Variants in UBXN8 observed in about 807,000 individuals in gnomAD.
UBXN8 encodes the protein UBX domain-containing protein 8.
UBXN8 carries 27 observed loss-of-function variants against 32.1 expected under a neutral mutation model. The ratio of observed to expected loss-of-function variants is 0.84; its 90% CI spans 0.62 to 1.16. The LOEUF is 1.16. UBXN8 is among the 50% of genes most tolerant of loss of function. The pLI is 0.00. For synonymous variants in UBXN8, 109 were observed against 111.8 expected (o/e 0.98, Z 0.16); for missense variants, 306 against 311.4 (o/e 0.98, Z 0.13).
intron 5 of UBXN8, among the ~76,000 whole-genome samples, chr8:30,758,903 T>TTTTTTTTTTG (rs1563564679): frequency 2.1e-5 from 3 of 143,410 alleles, no homozygotes; most frequent in African/African-American, 7.9e-5. Context: ...TGTTTTTTTT[T>TTTTTTTTTTG]TTTTTTTTGA....
chr8:30,747,749 AT>A (rs34425967), intron 1 of UBXN8, among the ~76,000 whole-genome samples: 8,899 of 136,688 alleles, frequency 0.065, 1,902 homozygotes, highest in African/African-American at 0.19. Flanking sequence ...AGGAGCCGTG[AT>A]TTTTTTTTTA....
At chr8:30,736,672 C>T (rs374524381) in intron 1 of UBXN8, among the ~76,000 whole-genome samples, 2 of 152,084 alleles carry the variant, frequency 1.3e-5, no homozygotes, top group East Asian at 1.9e-4. Flanking sequence ...AGGGTTTTAC[C>T]GTGTTGGCCA....
chr8:30,737,488 ATCTTG>A lies in UBXN8; in HGVS notation c.622+4185_622+4189del, dbSNP rs1180486609. Among the ~76,000 whole-genome samples, 6 of 152,292 alleles carry A rather than the reference ATCTTG, an allele frequency of 3.9e-5. No homozygotes were observed. The East Asian group carries it at 5.8e-4, about 15-fold the overall frequency. ...TGTACAGACTCCATGGTGTGCAAGA[ATCTTG>A]TCTTATTTGTGGCTATATCTCCAGC... is the stretch of plus-strand genomic sequence containing the variant. On this transcript the variant is annotated intron_variant, in intron 1 of 1. Coordinates refer to the UBXN8 transcript ENST00000522968.
upstream of UBXN8, chr8:30,732,447 C>A (rs943238821): frequency 4.0e-5 from 15 of 376,094 alleles, no homozygotes; most frequent in African/African-American, 2.5e-4. Context: ...TTGTAATCTA[C>A]CGGAGCCTAA....
rs997113126 is a variant in UBXN8 at position 30,759,095 on chromosome 8, G to A, written c.529-1793G>A. On this transcript the variant is annotated intron_variant, in intron 5 of 7. Coordinates refer to ENST00000265616, the MANE Select transcript of UBXN8 (RefSeq NM_005671.4). Reference sequence around the variant, plus strand: ...TTTTTAGTAGAGACAGGGTTCCATCGTGTTGGCCAGGATGGTCTCGATCTC... The same window carrying A: ...TTTTTAGTAGAGACAGGGTTCCATCATGTTGGCCAGGATGGTCTCGATCTC... Among the ~76,000 whole-genome samples, 71 of 150,842 alleles carry A rather than the reference G, an allele frequency of 4.7e-4. 2 individuals are homozygous for A. Among genetic ancestry groups the A allele is most frequent in the African/African-American group, 1.6e-3 (67 of 41,010 alleles).
At chr8:30,738,654 CAAAAA>C (rs536271863) in intron 1 of UBXN8, among the ~76,000 whole-genome samples, 3 of 75,370 alleles carry the variant, frequency 4.0e-5, no homozygotes, top group African/African-American at 8.4e-5. Context: ...GCCTCCGTCT[CAAAAA>C]AAAAAAAAAA....
At chr8:30,737,039 T>C (rs944708442) in intron 1 of UBXN8, among the ~76,000 whole-genome samples, 1 of 152,214 alleles carries the variant, frequency 6.6e-6, no homozygotes, top group African/African-American at 2.4e-5. Flanking sequence ...AATATTCATA[T>C]AAGGGATTAA....
chr8:30,752,391 T>C (rs1805541121), intron 2 of UBXN8, among the ~76,000 whole-genome samples: 1 of 152,128 alleles, frequency 6.6e-6, no homozygotes, highest in Admixed American at 6.6e-5. Context: ...CACTGCAACC[T>C]CCTCCTCCCA....
At chr8:30,730,669 T>C (rs6991433), upstream of UBXN8, among the ~76,000 whole-genome samples, 1 of 152,052 alleles carries the variant, frequency 6.6e-6, no homozygotes, top group Non-Finnish European at 1.5e-5. Context: ...CGTTAATAAG[T>C]TCTCTGAGGT....
intron 6 of UBXN8, among the ~76,000 whole-genome samples, chr8:30,762,567 A>G (rs565218824): frequency 6.6e-6 from 1 of 151,206 alleles, no homozygotes; most frequent in South Asian, 2.1e-4. Context: ...TAATATTTGT[A>G]TTTTTAGTAG....
chr8:30,740,611 G>A (rs1238263481), upstream of UBXN8, among the ~76,000 whole-genome samples: 1 of 151,024 alleles, frequency 6.6e-6, no homozygotes, highest in Non-Finnish European at 1.5e-5. Flanking sequence ...TGTAGTCCCA[G>A]CTACTCAGGA....
chr8:30,735,692 A>G (rs962965352), intron 1 of UBXN8, among the ~76,000 whole-genome samples: 1 of 152,186 alleles, frequency 6.6e-6, no homozygotes, highest in African/African-American at 2.4e-5. Flanking sequence ...TACAAAAATT[A>G]GCCAGGCATG....
At chr8:30,755,758 C>CAAA (rs1278352976) in intron 4 of UBXN8, among the ~76,000 whole-genome samples, 4 of 32,380 alleles carry the variant, frequency 1.2e-4, no homozygotes, top group Admixed American at 5.2e-4. Flanking sequence ...ACCCTTTCTC[C>CAAA]AGAAAAAAAA....
chr8:30,755,060 A>T (rs1294259105), intron 4 of UBXN8, among the ~76,000 whole-genome samples: 1 of 146,794 alleles, frequency 6.8e-6, no homozygotes, highest in African/African-American at 2.5e-5. Flanking sequence ...GGTTCATGCC[A>T]TTCTCCTGCC....
At chr8:30,758,894 GTTTTT>G (rs1176699545) in intron 5 of UBXN8, among the ~76,000 whole-genome samples, 5 of 121,992 alleles carry the variant, frequency 4.1e-5, no homozygotes, top group African/African-American at 1.3e-4. Context: ...TGTTTTTTTT[GTTTTT>G]TTTTTTTTTT....
Position 30,766,939 on chromosome 8 carries a change from T to C in UBXN8, c.*545T>C, listed in dbSNP as rs1314775449. 1 of 152,216 alleles carries C rather than the reference T, an allele frequency of 6.6e-6. No homozygotes were observed. The highest frequency in any genetic ancestry group is 2.4e-5 in the African/African-American group (1 of 41,442). The allele number at this position is 152,216 out of a possible 1,614,324, so 9.4% of individuals were successfully genotyped here. On this transcript the variant is annotated 3_prime_UTR_variant, in exon 8 of 8. Transcript: ENST00000265616. Reference sequence around the variant, plus strand: ...TTGCCTTGTATTAAATGTTACAAAGTTCCAAATGAATCAGTATTTTAAAAA... The same window carrying C: ...TTGCCTTGTATTAAATGTTACAAAGCTCCAAATGAATCAGTATTTTAAAAA...
intron 5 of UBXN8, among the ~76,000 whole-genome samples, chr8:30,758,510 AG>A (rs1262043917): frequency 6.6e-6 from 1 of 152,212 alleles, no homozygotes. Flanking sequence ...ACTGGCCCTT[AG>A]GGAAAGCTGG....
chr8:30,761,146 C>T (rs774016783), intron 6 of UBXN8, among the ~76,000 whole-genome samples: 2 of 151,114 alleles, frequency 1.3e-5, no homozygotes, highest in Non-Finnish European at 3.0e-5. Context: ...GTGATCCACC[C>T]GCCTCAGCCT....
At chr8:30,732,108 TGTCACTACTCA>T, upstream of UBXN8, 1 of 313,296 alleles carries the variant, frequency 3.2e-6, no homozygotes, top group Non-Finnish European at 5.8e-6. Context: ...CGGAGTCAGG[TGTCACTACTCA>T]GTACACTTGG....
Sources: allele counts gnomAD v4.1 joint callset (sites outside exome capture counted in the v4.1 genomes callset), GRCh38; gene constraint gnomAD v4.1.1; transcripts MANE v1.5; gene names NCBI Gene and HGNC (gene_info 2026-07-23, HGNC 2026-07-21).